Variants in SMIM36 observed in about 807,000 individuals in gnomAD.
The protein encoded by SMIM36 is small integral membrane protein 36.
Position 55,501,167 on chromosome 17 carries a change from TCTTA to T in SMIM36, c.*174+9708_*174+9711del. ...CTTATATTTTATAATATATAATATA[TCTTA>T]TATATTATAATATATAATATATCTT... On this transcript the variant is annotated intron_variant, in intron 1 of 4. Transcript: ENST00000636752. 2.0e-3 allele frequency among the ~76,000 whole-genome samples: 5 copies of T among 2,492 alleles called. 2 individuals are homozygous for T. Among genetic ancestry groups the T allele is most frequent in the South Asian group, 0.018 (1 of 56 alleles). 1.6% of individuals were successfully genotyped at this position (2,492 alleles called of 152,430 possible). A position where few individuals can be genotyped will look rare whatever the true frequency, so the allele number is the denominator to read the frequency against.
chr17:55,525,756 C>T, the SMIM36 span, among the ~76,000 whole-genome samples: 1 of 152,078 alleles, frequency 6.6e-6, no homozygotes, highest in African/African-American at 2.4e-5. Context: ...CTCCTGGGTT[C>T]AAGTGATTCT....
intron 1 of SMIM36, among the ~76,000 whole-genome samples, chr17:55,508,389 T>G (rs1302591680): frequency 2.1e-5 from 3 of 146,100 alleles, no homozygotes; most frequent in Non-Finnish European, 3.0e-5. Flanking sequence ...TCTCTATATA[T>G]TCCCGTAAAA....
intron 1 of SMIM36, among the ~76,000 whole-genome samples, chr17:55,501,842 C>T (rs766478494): frequency 2.7e-5 from 4 of 150,124 alleles, no homozygotes; most frequent in Non-Finnish European, 5.9e-5. Context: ...TAGGGAGTGC[C>T]AGACGGTGGG....
chr17:55,522,178 A>C, the SMIM36 span, among the ~76,000 whole-genome samples: 1 of 151,970 alleles, frequency 6.6e-6, no homozygotes, highest in African/African-American at 2.4e-5. Context: ...TTTTTTGGAC[A>C]CTCTAAGCCA....
chr17:55,451,118 CT>C (rs1373213038), intron 4 of SMIM36, among the ~76,000 whole-genome samples: 1 of 152,202 alleles, frequency 6.6e-6, no homozygotes, highest in Non-Finnish European at 1.5e-5. Context: ...AACTCCTGAC[CT>C]CATAATCCGC....
chr17:55,498,330 T>C (rs566363983), intron 1 of SMIM36, among the ~76,000 whole-genome samples: 1 of 152,104 alleles, frequency 6.6e-6, no homozygotes, highest in Non-Finnish European at 1.5e-5. Context: ...ATTCAACCCA[T>C]AACAGACACT....
chr17:55,455,858 C>T (rs1044503359), intron 4 of SMIM36, among the ~76,000 whole-genome samples: 1 of 151,856 alleles, frequency 6.6e-6, no homozygotes, highest in African/African-American at 2.4e-5. Flanking sequence ...TGGCTCACAC[C>T]TGTAATCCCA....
chr17:55,516,161 C>G (rs937220681), upstream of SMIM36, among the ~76,000 whole-genome samples: 7 of 120,544 alleles, frequency 5.8e-5, no homozygotes, highest in Non-Finnish European at 1.4e-4. Flanking sequence ...TCAGAAGACA[C>G]AGAAAAAAAT....
upstream of SMIM36, among the ~76,000 whole-genome samples, chr17:55,513,261 A>C (rs1910212355): frequency 6.6e-6 from 1 of 152,220 alleles, no homozygotes; most frequent in African/African-American, 2.4e-5. Flanking sequence ...AAAGTAGAAA[A>C]AAAGGACGTG....
chr17:55,460,925 T>C (rs1323326674), intron 4 of SMIM36, among the ~76,000 whole-genome samples: 1 of 152,196 alleles, frequency 6.6e-6, no homozygotes, highest in Non-Finnish European at 1.5e-5. Context: ...AGAATCCATG[T>C]GTACCTAAGC....
At chr17:55,525,965 G>A in the SMIM36 span, among the ~76,000 whole-genome samples, 15 of 150,708 alleles carry the variant, frequency 1.0e-4, no homozygotes, top group African/African-American at 3.4e-4. Flanking sequence ...TTACAGAGCT[G>A]TAATTGATTT....
intron 1 of SMIM36, among the ~76,000 whole-genome samples, chr17:55,501,031 ATAT>A (rs375248404): frequency 3.5e-5 from 2 of 57,284 alleles, no homozygotes; most frequent in African/African-American, 7.6e-5. Context: ...AATATATAAT[ATAT>A]TATTATATAT....
the SMIM36 span, among the ~76,000 whole-genome samples, chr17:55,523,409 A>T: frequency 6.6e-6 from 1 of 152,048 alleles, no homozygotes; most frequent in East Asian, 1.9e-4. Context: ...ACGCACCTGT[A>T]GTCCCAGCTA....
At position 55,501,211 on chromosome 17, in the gene SMIM36, A is replaced by G. The variant is rs867304220; in HGVS notation, c.*174+9668T>C. 3.2e-4 allele frequency among the ~76,000 whole-genome samples: 18 copies of G among 56,676 alleles called. 3 individuals are homozygous for G. The highest frequency in any genetic ancestry group is 4.8e-4 in the Non-Finnish European group (16 of 33,430). 37.2% of individuals were successfully genotyped at this position (56,676 alleles called of 152,430 possible). ...TAATATATCTTATATATTATAATAT[A>G]TAATATATATTATATATTATAATAT... On this transcript the variant is annotated intron_variant, in intron 1 of 4. Coordinates refer to ENST00000636752, the Ensembl canonical transcript of SMIM36.
the SMIM36 span, among the ~76,000 whole-genome samples, chr17:55,530,699 C>T: frequency 6.6e-6 from 1 of 152,044 alleles, no homozygotes; most frequent in South Asian, 2.1e-4. Context: ...AGGAGAATCA[C>T]TTGAACCCAG....
intron 1 of SMIM36, among the ~76,000 whole-genome samples, chr17:55,497,017 A>G (rs1303159192): frequency 6.6e-6 from 1 of 152,186 alleles, no homozygotes; most frequent in Non-Finnish European, 1.5e-5. Flanking sequence ...TGAAGTGTAT[A>G]TGGGGTATCG....
At chr17:55,457,548 C>T (rs530002932) in intron 4 of SMIM36, among the ~76,000 whole-genome samples, 13 of 150,170 alleles carry the variant, frequency 8.7e-5, no homozygotes, top group South Asian at 2.1e-4. Context: ...GTTTTTGAGA[C>T]GGAATTTTGC....
At chr17:55,525,830 G>A in the SMIM36 span, among the ~76,000 whole-genome samples, 1 of 152,128 alleles carries the variant, frequency 6.6e-6, no homozygotes, top group Admixed American at 6.5e-5. Flanking sequence ...GCTAATTTTT[G>A]TATTTTTAGT....
chr17:55,500,457 T>A (rs529222966), intron 1 of SMIM36, among the ~76,000 whole-genome samples: 1 of 152,134 alleles, frequency 6.6e-6, no homozygotes, highest in African/African-American at 2.4e-5. Flanking sequence ...CTTACAAGAT[T>A]CTAAGGCTTC....
Sources: gnomAD v4.1 joint callset for allele counts (sites outside exome capture counted in the v4.1 genomes callset) on GRCh38, gnomAD v4.1.1 for gene constraint, MANE v1.5 for transcripts, NCBI Gene and HGNC (gene_info 2026-07-23, HGNC 2026-07-21) for gene names.